The following ANKRD31 variants were observed in gnomAD, a reference collection of about 807,000 sequenced individuals.
The protein encoded by ANKRD31 is ankyrin repeat domain 31.
Under a neutral mutation model 186.0 loss-of-function variants are expected in ANKRD31, and 147 were observed. The ratio of observed to expected loss-of-function variants is 0.79; its 90% CI spans 0.69 to 0.91. The LOEUF is 0.91. Ranked by LOEUF, ANKRD31 falls within the 40% of genes least tolerant of loss-of-function variation. ANKRD31 has a pLI of 0.00. For missense variants in ANKRD31, 1,986 were observed against 2,148.8 expected, an observed-to-expected ratio of 0.92 and a Z score of 1.50; for synonymous variants, 673 against 736.4, an observed-to-expected ratio of 0.91 and a Z score of 1.39.
At chr5:75,076,036 C>T (rs1029664541) in intron 25 of ANKRD31, among the ~76,000 whole-genome samples, 1 of 140,936 alleles carries the variant, frequency 7.1e-6, no homozygotes, top group Non-Finnish European at 1.5e-5. Context: ...TGGAATGAAA[C>T]ATTGCTTACT....
chr5:75,130,037 T>C (rs1237285604), intron 17 of ANKRD31, among the ~76,000 whole-genome samples: 1 of 152,140 alleles, frequency 6.6e-6, no homozygotes, highest in Non-Finnish European at 1.5e-5. Flanking sequence ...AGTGTTACAG[T>C]TCTTAAAGAT....
intron 25 of ANKRD31, among the ~76,000 whole-genome samples, chr5:75,073,381 C>T (rs1244656901): frequency 6.6e-6 from 1 of 151,892 alleles, no homozygotes; most frequent in African/African-American, 2.4e-5. Context: ...AGGTGAGCTT[C>T]ATCTTATTTT....
At chr5:75,204,259 T>C (rs1275074708) in intron 5 of ANKRD31, among the ~76,000 whole-genome samples, 1 of 152,204 alleles carries the variant, frequency 6.6e-6, no homozygotes, top group Non-Finnish European at 1.5e-5. Context: ...ATACTTGTTC[T>C]TATACCTTTT....
chr5:75,204,917 C>T (rs1218517046), intron 5 of ANKRD31, among the ~76,000 whole-genome samples: 1 of 152,210 alleles, frequency 6.6e-6, no homozygotes, highest in Non-Finnish European at 1.5e-5. Flanking sequence ...GATAGGGTCT[C>T]ACTCTGTCAC....
At chr5:75,171,899 G>T (rs1193375947) in intron 10 of ANKRD31, among the ~76,000 whole-genome samples, 1 of 150,228 alleles carries the variant, frequency 6.7e-6, no homozygotes, top group Non-Finnish European at 1.5e-5. Context: ...GAAAATAGAA[G>T]AGGTGAGAAG....
chr5:75,154,182 C>T lies in ANKRD31; in HGVS notation c.1852+19G>A. On this transcript the variant is annotated intron_variant, in intron 12 of 25. Coordinates refer to ENST00000506364, the MANE Select transcript of ANKRD31 (RefSeq NM_001372053.1). ...TCACTGATGTGACAAATAGCTATTA[C>T]AGGGCAGTTTAATCTTACCTGATGT... 2 of 1,463,958 alleles carry T rather than the reference C, an allele frequency of 1.4e-6. No homozygotes were observed. Among genetic ancestry groups the T allele is most frequent in the South Asian group, 2.9e-5 (2 of 69,470 alleles). The allele number at this position is 1,463,958 out of a possible 1,614,324, so 90.7% of individuals were successfully genotyped here.
At position 75,102,313 on chromosome 5, in the gene ANKRD31, C is replaced by T. The variant is rs913873663; in HGVS notation, c.5331+1915G>A. 1.6e-4 allele frequency among the ~76,000 whole-genome samples: 25 copies of T among 152,272 alleles called. 1 individual carries two copies. The highest frequency in any genetic ancestry group is 5.3e-4 in the African/African-American group (22 of 41,560). ...CTGGAAGCTTCGTCTCAGAGGGGCG[C>T]CCAGCAGTATGAGGTGTCAGTTGGC... On this transcript the variant is annotated intron_variant, in intron 22 of 25. Coordinates refer to ENST00000506364, the MANE Select transcript of ANKRD31 (RefSeq NM_001372053.1).
At chr5:75,222,425 T>A in intron 2 of ANKRD31, 67 bp from the exon 3 acceptor site, 1 of 1,111,180 alleles carries the variant, frequency 9.0e-7, no homozygotes, top group South Asian at 1.5e-5. Context: ...AATGGCCCAA[T>A]AATTTTATAC....
chr5:75,096,478 G>C (rs1252894553), intron 22 of ANKRD31, among the ~76,000 whole-genome samples: 1 of 152,106 alleles, frequency 6.6e-6, no homozygotes, highest in East Asian at 1.9e-4. Flanking sequence ...TCGCTCTAAT[G>C]ATAGTTTCTT....
chr5:75,098,556 T>C (rs1054081515), intron 22 of ANKRD31, among the ~76,000 whole-genome samples: 14 of 152,236 alleles, frequency 9.2e-5, no homozygotes, highest in African/African-American at 3.4e-4. Context: ...ATTCTTCCTA[T>C]CCATGAGCAT....
intron 25 of ANKRD31, among the ~76,000 whole-genome samples, chr5:75,077,023 A>G (rs746784776): frequency 1.3e-5 from 2 of 152,210 alleles, no homozygotes; most frequent in South Asian, 2.1e-4. Flanking sequence ...TTTTAAAAAT[A>G]AAAGGATCCT....
chr5:75,068,492 C>A lies in ANKRD31; in HGVS notation c.*27G>T. The stretch of plus-strand genomic sequence containing the variant: ...GTTTGTTGGTAATTTGAACAAATAT[C>A]CAATAAAATATTAAGAAACCAAGGT... On this transcript the variant is annotated 3_prime_UTR_variant, in exon 26 of 26. Transcript: ENST00000506364. 3 of 1,441,916 alleles carry A rather than the reference C, an allele frequency of 2.1e-6. No individual in the cohort carries two copies. The highest frequency in any genetic ancestry group is 3.0e-5 in the South Asian group (2 of 66,568). The allele number at this position is 1,441,916 out of a possible 1,614,324, so 89.3% of individuals were successfully genotyped here.
At chr5:75,070,297 A>C (rs1340539049) in intron 25 of ANKRD31, among the ~76,000 whole-genome samples, 1 of 152,226 alleles carries the variant, frequency 6.6e-6, no homozygotes, top group Non-Finnish European at 1.5e-5. Context: ...CATCAAAATT[A>C]GCCTAGTTTC....
At chr5:75,090,409 A>C (rs1246094736) in intron 23 of ANKRD31, among the ~76,000 whole-genome samples, 1 of 152,134 alleles carries the variant, frequency 6.6e-6, no homozygotes, top group Non-Finnish European at 1.5e-5. Flanking sequence ...AATCTGGGAC[A>C]CAGAATATAG....
intron 3 of ANKRD31, among the ~76,000 whole-genome samples, chr5:75,218,521 G>A (rs886988082): frequency 6.6e-6 from 1 of 152,088 alleles, no homozygotes; most frequent in African/African-American, 2.4e-5. Context: ...GATGTACAAA[G>A]AAGAGCTGGT....
intron 11 of ANKRD31, among the ~76,000 whole-genome samples, chr5:75,163,786 T>C (rs950009349): frequency 6.6e-6 from 1 of 152,214 alleles, no homozygotes; most frequent in Admixed American, 6.5e-5. Context: ...AAGCTTTAAG[T>C]AGAAGTGTAT....
At chr5:75,101,019 C>A (rs553954597) in intron 22 of ANKRD31, among the ~76,000 whole-genome samples, 39 of 152,264 alleles carry the variant, frequency 2.6e-4, no homozygotes, top group African/African-American at 7.5e-4. Flanking sequence ...TTCCTAGCAT[C>A]GACGGTCTTT....
At chr5:75,133,523 T>C (rs1192068639) in intron 17 of ANKRD31, among the ~76,000 whole-genome samples, 3 of 152,176 alleles carry the variant, frequency 2.0e-5, no homozygotes, top group Admixed American at 6.5e-5. Flanking sequence ...AGCAACTCCT[T>C]AGTGTACTAC....
chr5:75,124,682 T>C (rs575024293), intron 17 of ANKRD31, among the ~76,000 whole-genome samples: 1 of 152,262 alleles, frequency 6.6e-6, no homozygotes, highest in Middle Eastern at 3.4e-3. Flanking sequence ...TGGATGGAAC[T>C]GGAGGCCATC....
Sources: allele counts gnomAD v4.1 joint callset (sites outside exome capture counted in the v4.1 genomes callset), GRCh38; gene constraint gnomAD v4.1.1; transcripts MANE v1.5; gene names NCBI Gene and HGNC (gene_info 2026-07-23, HGNC 2026-07-21).